CASK: variants seen among roughly 807,000 people sequenced by gnomAD.
CASK encodes calcium/calmodulin dependent serine protein kinase.
Under a neutral mutation model 82.9 loss-of-function variants are expected in CASK, and 4 were observed. The observed-to-expected ratio is 0.05, with a 90% CI of 0.02 to 0.11. The LOEUF is 0.11. Among genes scored for constraint, CASK ranks in the 10% least tolerant of loss-of-function variants. The pLI, the probability that CASK is intolerant of heterozygous loss-of-function variation, is 1.00. For missense variants in CASK, 358 were observed against 720.9 expected (o/e 0.50, Z 5.76); for synonymous variants, 259 against 253.5 (o/e 1.02, Z -0.20).
intron 3 of CASK, among the ~76,000 whole-genome samples, chrX:41,759,311 T>G: frequency 9.0e-6 from 1 of 111,568 alleles, no homozygotes; most frequent in Non-Finnish European, 1.9e-5. Flanking sequence ...CTTTTCCCTG[T>G]TATATTTACT....
intron 13 of CASK, chrX:41,587,772 T>C (rs1411213328): frequency 2.7e-5 from 3 of 112,630 alleles, no homozygotes; most frequent in Non-Finnish European, 5.6e-5. Flanking sequence ...CTGTGTAAGT[T>C]ATTTATGGGA....
intron 2 of CASK, among the ~76,000 whole-genome samples, chrX:41,848,759 G>A (rs1316603475): frequency 8.9e-6 from 1 of 111,825 alleles, no homozygotes; most frequent in Non-Finnish European, 1.9e-5. Context: ...AGCCTCCTTT[G>A]ATGGCTGTCA....
rs149427483 is a variant in CASK at position 41,868,480 on chromosome X, C to T, written c.60-15253G>A. ...TTTTGGCAAGCCCAGGCAACCTGGACGTACAGACACTCCAGCTGCAAACAC... is the reference window on the plus strand; with the variant it reads ...TTTTGGCAAGCCCAGGCAACCTGGATGTACAGACACTCCAGCTGCAAACAC... On this transcript the variant is annotated intron_variant, in intron 1 of 26. Coordinates refer to ENST00000378163, the MANE Select transcript of CASK (RefSeq NM_001367721.1). Among the ~76,000 whole-genome samples, 881 of 111,961 alleles carry T rather than the reference C, an allele frequency of 7.9e-3. 10 individuals carry two copies. The highest frequency in any genetic ancestry group is 0.028 in the African/African-American group (851 of 30,797).
chrX:41,598,725 T>C (rs775359642), intron 12 of CASK, among the ~76,000 whole-genome samples: 1 of 111,920 alleles, frequency 8.9e-6, no homozygotes, highest in Non-Finnish European at 1.9e-5. Context: ...ATTGGGATAT[T>C]ACAAGTTACA....
At chrX:41,604,235 C>T (rs747844528) in intron 12 of CASK, among the ~76,000 whole-genome samples, 1 of 104,731 alleles carries the variant, frequency 9.5e-6, no homozygotes, top group African/African-American at 3.5e-5. Flanking sequence ...GAATATTGTC[C>T]CTCACTCAAA....
chrX:41,751,439 G>A (rs949239349), intron 3 of CASK, among the ~76,000 whole-genome samples: 8 of 110,641 alleles, frequency 7.2e-5, no homozygotes. Flanking sequence ...ACAGTATAGT[G>A]AGTGAAAAAC....
At chrX:41,769,122 A>T (rs1163213386) in intron 3 of CASK, among the ~76,000 whole-genome samples, 1 of 110,185 alleles carries the variant, frequency 9.1e-6, no homozygotes, top group Non-Finnish European at 1.9e-5. Flanking sequence ...GTAATGGTAG[A>T]CTAGATGATG....
chrX:41,636,571 A>G lies in CASK; in HGVS notation c.915+7T>C, dbSNP rs1356026752. 4 of 1,119,193 alleles carry G rather than the reference A, an allele frequency of 3.6e-6. No individual in the cohort carries two copies. The highest frequency in any genetic ancestry group is 4.9e-6 in the Non-Finnish European group (4 of 812,480). 92.2% of individuals were successfully genotyped at this position (1,119,193 alleles called of 1,213,427 possible). ...GTTTGGCTTTTTTGCTGATTTGTTT[A>G]ATTTACCTTTAGTTTCCTCCTTGCA... On this transcript the variant is annotated splice_region_variant and intron_variant, in intron 9 of 26. Coordinates refer to ENST00000378163, the MANE Select transcript of CASK (RefSeq NM_001367721.1).
chrX:41,818,518 G>T (rs1299336527), intron 2 of CASK, among the ~76,000 whole-genome samples: 1 of 109,847 alleles, frequency 9.1e-6, no homozygotes, highest in Non-Finnish European at 1.9e-5. Context: ...TGGGAGGATT[G>T]ATTGAACCCG....
chrX:41,759,668 A>G (rs1452225743), intron 3 of CASK, among the ~76,000 whole-genome samples: 1 of 111,711 alleles, frequency 9.0e-6, no homozygotes, highest in Non-Finnish European at 1.9e-5. Context: ...GATCTTGGTC[A>G]TGACACTTAA....
At chrX:41,543,371 T>C (rs5964008) in intron 21 of CASK, among the ~76,000 whole-genome samples, 17,016 of 110,969 alleles carry the variant, frequency 0.15, 1,015 homozygotes, top group Middle Eastern at 0.18. Flanking sequence ...TCTTTAAACT[T>C]TTGGAGCCTT....
Position 41,612,418 on chromosome X carries a change from G to T in CASK, c.1034-2393C>A, listed in dbSNP as rs1487741448. Among the ~76,000 whole-genome samples, 5 of 103,909 alleles carry T rather than the reference G, an allele frequency of 4.8e-5. No homozygotes were observed. In the East Asian group the frequency reaches 1.6e-3, roughly 33 times the overall value. 90.2% of individuals were successfully genotyped at this position (103,909 alleles called of 115,157 possible). A position where few individuals can be genotyped will look rare whatever the true frequency, so the allele number is the denominator to read the frequency against. On this transcript the variant is annotated intron_variant, in intron 11 of 26. Transcript: ENST00000378163. Reference sequence around the variant, plus strand: ...CGTCTGAGAAGTGAGGAGCCCCTCCGCCCGGCAGCCGCCCCGTCTGAGAAG... The same window carrying T: ...CGTCTGAGAAGTGAGGAGCCCCTCCTCCCGGCAGCCGCCCCGTCTGAGAAG...
rs751138112 is a variant in CASK, at chrX:41,515,108, C to T, written c.*5312G>A. 1.1e-4 allele frequency: 12 copies of T among 112,687 alleles called. No homozygotes were observed. The highest frequency in any genetic ancestry group is 3.9e-4 in the African/African-American group (12 of 31,063). The allele number at this position is 112,687 out of a possible 1,213,427, so 9.3% of individuals were successfully genotyped here. Reference sequence around the variant, plus strand: ...AGATAACTGATTAGGGTTTCATCAACTTGTACTGTGCCGGCAGCGCACCAG... The same window carrying T: ...AGATAACTGATTAGGGTTTCATCAATTTGTACTGTGCCGGCAGCGCACCAG... On this transcript the variant is annotated 3_prime_UTR_variant, in exon 27 of 27. Coordinates refer to ENST00000378163, the MANE Select transcript of CASK (RefSeq NM_001367721.1).
chrX:41,549,374 G>T (rs1349710669), intron 21 of CASK, among the ~76,000 whole-genome samples: 10 of 111,850 alleles, frequency 8.9e-5, no homozygotes, highest in Non-Finnish European at 1.5e-4. Flanking sequence ...GGTACACACT[G>T]CCCAGTGGGC....
At chrX:41,845,197 T>C (rs2148832) in intron 2 of CASK, among the ~76,000 whole-genome samples, 18,061 of 111,437 alleles carry the variant, frequency 0.16, 1,426 homozygotes, top group Middle Eastern at 0.31. Context: ...TAGGTCTAGT[T>C]GGTTTCTAGT....
intron 22 of CASK, among the ~76,000 whole-genome samples, chrX:41,536,010 C>CT (rs2064868793): frequency 9.0e-6 from 1 of 111,347 alleles, no homozygotes; most frequent in Non-Finnish European, 1.9e-5. Flanking sequence ...ACTGACATTT[C>CT]TTTTTTTAAA....
At chrX:41,640,270 C>T (rs1321805285) in intron 8 of CASK, among the ~76,000 whole-genome samples, 1 of 109,708 alleles carries the variant, frequency 9.1e-6, no homozygotes, top group Admixed American at 9.8e-5. Flanking sequence ...GTGGCATGAT[C>T]TCGGCTCACT....
rs1349196887 is a variant in CASK, at chrX:41,790,119, CT to C, written c.173-2837del. The C allele has an allele frequency of 2.1e-3, 1,303 of 626,172 alleles. 1 individual carries two copies. Among genetic ancestry groups the C allele is most frequent in the East Asian group, 3.9e-3 (36 of 9,146 alleles). The allele number at this position is 626,172 out of a possible 1,213,427, so 51.6% of individuals were successfully genotyped here. A position where few individuals can be genotyped will look rare whatever the true frequency, so the allele number is the denominator to read the frequency against. On this transcript the variant is annotated intron_variant, in intron 2 of 26. Transcript: ENST00000378163. ...TAATTTTTTGCATTTTTAGTAGAGA[CT>C]TTTTTTTTTCTTTCAGAAGCAAACC...
chrX:41,850,113 C>T (rs943777546), intron 2 of CASK, among the ~76,000 whole-genome samples: 4 of 111,691 alleles, frequency 3.6e-5, no homozygotes, highest in East Asian at 5.6e-4. Context: ...CCAAGGAGGT[C>T]GAGGCTGCAA....
Sources: allele counts gnomAD v4.1 joint callset (sites outside exome capture counted in the v4.1 genomes callset), GRCh38; gene constraint gnomAD v4.1.1; transcripts MANE v1.5; gene names NCBI Gene and HGNC (gene_info 2026-07-23, HGNC 2026-07-21).